The following KCNMA1 variants were observed in gnomAD, a reference collection of about 807,000 sequenced individuals.
The protein encoded by KCNMA1 is Calcium-activated potassium channel subunit alpha-1.
A neutral mutation model predicts 140.0 loss-of-function variants in KCNMA1; 29 were observed. The ratio of observed to expected loss-of-function variants is 0.21; its 90% CI spans 0.15 to 0.28. The LOEUF is 0.28. Among genes scored for constraint, KCNMA1 ranks in the 10% least tolerant of loss-of-function variants. The pLI, the probability that KCNMA1 is intolerant of heterozygous loss-of-function variation, is 1.00. For synonymous variants in KCNMA1, 612 were observed against 611.9 expected (o/e 1.00, Z 0.00); for missense variants, 880 against 1,602.2 (o/e 0.55, Z 7.70).
intron 5 of KCNMA1, among the ~76,000 whole-genome samples, chr10:77,124,919 A>T (rs941558774): frequency 6.6e-6 from 1 of 152,226 alleles, no homozygotes; most frequent in Non-Finnish European, 1.5e-5. Flanking sequence ...GAGAAGCCTC[A>T]GGAAACTTAC....
At chr10:77,272,809 G>T (rs146816111) in intron 2 of KCNMA1, among the ~76,000 whole-genome samples, 2,257 of 152,162 alleles carry the variant, frequency 0.015, 34 homozygotes, top group South Asian at 0.028. Flanking sequence ...TTTCAAAAAG[G>T]CTTTGAGTCA....
intron 3 of KCNMA1, among the ~76,000 whole-genome samples, chr10:77,232,601 G>A (rs1246552821): frequency 6.6e-6 from 1 of 152,050 alleles, no homozygotes; most frequent in Non-Finnish European, 1.5e-5. Context: ...TTTTAAACTG[G>A]GCTGTCATTT....
chr10:77,628,065 C>A (rs1313903049), intron 1 of KCNMA1, among the ~76,000 whole-genome samples: 1 of 151,160 alleles, frequency 6.6e-6, no homozygotes, highest in Non-Finnish European at 1.5e-5. Flanking sequence ...ACTGTCCAGT[C>A]TCTAAAAGGG....
chr10:77,134,225 C>A (rs183699325), intron 5 of KCNMA1, among the ~76,000 whole-genome samples: 2 of 152,068 alleles, frequency 1.3e-5, no homozygotes, highest in Non-Finnish European at 2.9e-5. Flanking sequence ...GGCTCTGCCA[C>A]CACCATAAAA....
At position 77,096,386 on chromosome 10, in the gene KCNMA1, T is replaced by C. The variant is rs201131551; in HGVS notation, c.1224-5876A>G. On this transcript the variant is annotated intron_variant, in intron 9 of 27. Coordinates refer to ENST00000286628, the MANE Select transcript of KCNMA1 (RefSeq NM_001161352.2). Reference sequence around the variant, plus strand: ...CCTTAGTTCACACCTCCATCATACCTTATCTAGACATCTGCAATCGCTTCC... The same window carrying C: ...CCTTAGTTCACACCTCCATCATACCCTATCTAGACATCTGCAATCGCTTCC... Among the ~76,000 whole-genome samples the C allele has an allele frequency of 3.5e-4, 53 of 152,248 alleles. No individual in the cohort carries two copies. The East Asian group carries it at 0.01, about 29-fold the overall frequency.
chr10:77,508,214 C>G (rs575546249), intron 1 of KCNMA1, among the ~76,000 whole-genome samples: 28 of 152,280 alleles, frequency 1.8e-4, no homozygotes, highest in African/African-American at 6.7e-4. Flanking sequence ...ATCACTGTAT[C>G]ACCCAGCCGG....
intron 2 of KCNMA1, among the ~76,000 whole-genome samples, chr10:77,398,005 AAT>A (rs1250031089): frequency 6.6e-6 from 1 of 150,778 alleles, no homozygotes. Flanking sequence ...ATATAAATGT[AAT>A]ATATATACAT....
At chr10:77,029,512 C>A (rs1172016215) in intron 15 of KCNMA1, among the ~76,000 whole-genome samples, 1 of 152,180 alleles carries the variant, frequency 6.6e-6, no homozygotes, top group Non-Finnish European at 1.5e-5. Context: ...TACCCTACAT[C>A]TTGATCTCCA....
intron 21 of KCNMA1, among the ~76,000 whole-genome samples, chr10:76,953,161 C>T (rs542212978): frequency 6.6e-6 from 1 of 152,256 alleles, no homozygotes; most frequent in African/African-American, 2.4e-5. Flanking sequence ...GACTGTAGTT[C>T]ATTATTGTCA....
intron 3 of KCNMA1, among the ~76,000 whole-genome samples, chr10:77,220,429 A>T (rs1274748438): frequency 6.6e-6 from 1 of 152,220 alleles, no homozygotes; most frequent in African/African-American, 2.4e-5. Flanking sequence ...AACGGCTGGC[A>T]GCAGGGTCTG....
intron 1 of KCNMA1, among the ~76,000 whole-genome samples, chr10:77,612,578 T>G (rs10509390): frequency 0.014 from 2,060 of 152,328 alleles, 20 homozygotes; most frequent in Middle Eastern, 0.037. Flanking sequence ...CTCATAGGGC[T>G]CTTGCCTCCA....
At chr10:77,334,894 A>C (rs2088206667) in intron 2 of KCNMA1, among the ~76,000 whole-genome samples, 1 of 152,226 alleles carries the variant, frequency 6.6e-6, no homozygotes, top group South Asian at 2.1e-4. Context: ...ATATTTTTAA[A>C]GTTTTATTAA....
intron 2 of KCNMA1, among the ~76,000 whole-genome samples, chr10:77,382,751 G>C (rs889783188): frequency 6.7e-6 from 1 of 148,982 alleles, no homozygotes; most frequent in Non-Finnish European, 1.5e-5. Flanking sequence ...TGTAATCCCA[G>C]CTACTCAGGA....
intron 2 of KCNMA1, chr10:77,315,506 A>G (rs1438627441): frequency 1.3e-5 from 2 of 152,220 alleles, no homozygotes; most frequent in Non-Finnish European, 2.9e-5. Flanking sequence ...GCAAAGTTAG[A>G]ATGGTGATTT....
intron 6 of KCNMA1, among the ~76,000 whole-genome samples, chr10:77,112,789 C>T (rs2097356509): frequency 6.6e-6 from 1 of 152,000 alleles, no homozygotes; most frequent in Non-Finnish European, 1.5e-5. Flanking sequence ...TCCCTACATG[C>T]TTTTTCTCTT....
At chr10:77,301,077 C>T (rs533576111) in intron 2 of KCNMA1, among the ~76,000 whole-genome samples, 11 of 152,192 alleles carry the variant, frequency 7.2e-5, no homozygotes, top group Non-Finnish European at 1.6e-4. Context: ...CCCTCAATCC[C>T]TGCAGCTAAT....
downstream of KCNMA1, chr10:76,873,862 A>G (rs1430562188): frequency 1.3e-5 from 2 of 152,234 alleles, no homozygotes; most frequent in Admixed American, 1.3e-4. Context: ...TTAGTTTATT[A>G]ATGAAAGAAA....
intron 1 of KCNMA1, among the ~76,000 whole-genome samples, chr10:77,432,204 C>T (rs913542544): frequency 6.6e-6 from 1 of 152,168 alleles, no homozygotes; most frequent in Non-Finnish European, 1.5e-5. Context: ...GGGACTTTGC[C>T]TCCTTGAGGC....
intron 1 of KCNMA1, among the ~76,000 whole-genome samples, chr10:77,543,430 G>A (rs1045664070): frequency 6.6e-6 from 1 of 151,798 alleles, no homozygotes; most frequent in Non-Finnish European, 1.5e-5. Flanking sequence ...ACATATGCAA[G>A]ATAAAAAAAA....
Sources: gnomAD v4.1 joint callset for allele counts (sites outside exome capture counted in the v4.1 genomes callset) on GRCh38, gnomAD v4.1.1 for gene constraint, MANE v1.5 for transcripts, NCBI Gene and HGNC (gene_info 2026-07-23, HGNC 2026-07-21) for gene names.